The following RARB variants were observed in gnomAD, a reference collection of about 807,000 sequenced individuals.
RARB encodes retinoic acid receptor beta, also known as HBV-activated protein.
Under a neutral mutation model 51.9 loss-of-function variants are expected in RARB, and 17 were observed. The ratio of observed to expected loss-of-function variants is 0.33; its 90% CI spans 0.22 to 0.49. The LOEUF is 0.49. Ranked by LOEUF, RARB falls within the 20% of genes least tolerant of loss-of-function variation. The probability of loss-of-function intolerance (pLI) is 0.99; values close to 1 mark genes in which losing one functional copy is unlikely to be tolerated. For synonymous variants in RARB, 215 were observed against 195.4 expected (o/e 1.10, Z -0.84); for missense variants, 369 against 550.8 (o/e 0.67, Z 3.30).
intron 2 of RARB, among the ~76,000 whole-genome samples, chr3:25,004,383 TG>T (rs1697226437): frequency 6.6e-6 from 1 of 152,164 alleles, no homozygotes; most frequent in Non-Finnish European, 1.5e-5. Context: ...ACAGATTCAT[TG>T]GCTCACTATT....
At chr3:25,480,524 C>G (rs1246009671) in intron 2 of RARB, among the ~76,000 whole-genome samples, 2 of 152,152 alleles carry the variant, frequency 1.3e-5, no homozygotes, top group Non-Finnish European at 2.9e-5. Flanking sequence ...CCATCTTTAA[C>G]ATTATCTGAT....
intron 5 of RARB, among the ~76,000 whole-genome samples, chr3:25,361,949 G>T (rs1210240941): frequency 6.6e-6 from 1 of 152,190 alleles, no homozygotes; most frequent in East Asian, 1.9e-4. Context: ...CTTTCAGGAG[G>T]CACAGGGTTC....
chr3:24,884,952 T>C (rs894019418), intron 2 of RARB, among the ~76,000 whole-genome samples: 1 of 152,140 alleles, frequency 6.6e-6, no homozygotes, highest in Admixed American at 6.6e-5. Context: ...CTCTCATAGA[T>C]AACAACTGCG....
chr3:24,944,054 A>G (rs1695724266), intron 2 of RARB, among the ~76,000 whole-genome samples: 2 of 152,212 alleles, frequency 1.3e-5, no homozygotes, highest in South Asian at 4.1e-4. Context: ...ATATTAATGA[A>G]GTGACCAAGG....
At chr3:25,356,691 A>T (rs555480111) in intron 5 of RARB, among the ~76,000 whole-genome samples, 169 of 152,074 alleles carry the variant, frequency 1.1e-3, no homozygotes, top group African/African-American at 3.9e-3. Flanking sequence ...CAGGCCCTGA[A>T]GTATGATGTT....
chr3:24,862,446 G>A (rs141528903), intron 2 of RARB, among the ~76,000 whole-genome samples: 1 of 152,242 alleles, frequency 6.6e-6, no homozygotes, highest in African/African-American at 2.4e-5. Flanking sequence ...GTTACCCATA[G>A]TTAACAGGTC....
chr3:25,371,547 T>G (rs873838), intron 5 of RARB, among the ~76,000 whole-genome samples: 76,946 of 152,126 alleles, frequency 0.51, 20,210 homozygotes, highest in East Asian at 0.78. Flanking sequence ...AAATGAATTT[T>G]CAAGCCAGTA....
chr3:25,517,806 A>T (rs1055065015), intron 3 of RARB, among the ~76,000 whole-genome samples: 23 of 152,214 alleles, frequency 1.5e-4, no homozygotes, highest in African/African-American at 4.3e-4. Context: ...AATATTTTTC[A>T]TCCATAAAAA....
chr3:25,497,446 C>T (rs772707841), intron 2 of RARB, among the ~76,000 whole-genome samples: 2 of 152,176 alleles, frequency 1.3e-5, no homozygotes, highest in African/African-American at 4.8e-5. Flanking sequence ...AAAATACCAC[C>T]TCTTCTTTCG....
chr3:25,464,593 C>T (rs1695339091), intron 2 of RARB, among the ~76,000 whole-genome samples: 2 of 151,830 alleles, frequency 1.3e-5, no homozygotes, highest in Admixed American at 6.6e-5. Flanking sequence ...ACAAAATTCA[C>T]AGAACTGAGA....
intron 2 of RARB, among the ~76,000 whole-genome samples, chr3:24,965,042 C>A (rs1696224297): frequency 6.6e-6 from 1 of 152,110 alleles, no homozygotes; most frequent in African/African-American, 2.4e-5. Context: ...GAACTAAATT[C>A]TAGATTTACA....
At chr3:25,051,080 T>C (rs1698323814) in intron 2 of RARB, among the ~76,000 whole-genome samples, 2 of 152,306 alleles carry the variant, frequency 1.3e-5, no homozygotes, top group East Asian at 3.9e-4. Flanking sequence ...ATCTTTGATA[T>C]GCCATGTTTA....
intron 4 of RARB, among the ~76,000 whole-genome samples, chr3:25,578,498 C>T (rs1327502738): frequency 6.6e-6 from 1 of 152,222 alleles, no homozygotes; most frequent in Non-Finnish European, 1.5e-5. Flanking sequence ...GATGGATACT[C>T]TATTGTAAAA....
At chr3:25,146,921 T>C (rs1575181835) in intron 4 of RARB, among the ~76,000 whole-genome samples, 1 of 152,140 alleles carries the variant, frequency 6.6e-6, no homozygotes, top group Non-Finnish European at 1.5e-5. Context: ...TTTGATCGAG[T>C]GCAGGTAATG....
chr3:25,068,243 C>A (rs1490620229), intron 3 of RARB, among the ~76,000 whole-genome samples: 6 of 150,522 alleles, frequency 4.0e-5, no homozygotes, highest in Admixed American at 3.3e-4. Context: ...GTACCTCCCC[C>A]ACCCACAACC....
intron 5 of RARB, among the ~76,000 whole-genome samples, chr3:25,417,962 G>GCCTCCCTCTGGGTTGCTGTCCTCT (rs1345985288): frequency 6.7e-6 from 1 of 149,300 alleles, no homozygotes; most frequent in African/African-American, 2.6e-5. Flanking sequence ...TTGTGGCCTT[G>GCCTCCCTCTGGGTTGCTGTCCTCT]CCTCCCTCTG....
intron 5 of RARB, among the ~76,000 whole-genome samples, chr3:25,222,507 T>A (rs1701968772): frequency 6.6e-6 from 1 of 151,778 alleles, no homozygotes; most frequent in Non-Finnish European, 1.5e-5. Flanking sequence ...AATTCTCAAA[T>A]AGATTAAAAA....
rs1252872811 is a variant in RARB, at chr3:25,197,404, T to C, written c.178+22829T>C. On this transcript the variant is annotated intron_variant, in intron 5 of 11. Transcript: ENST00000383772. ...TGTGTGGTGTTATTTCTGAGGCCTCTGTTCTGTTCCATTCGTCTACGTATC... is the reference window on the plus strand; with the variant it reads ...TGTGTGGTGTTATTTCTGAGGCCTCCGTTCTGTTCCATTCGTCTACGTATC... Among the ~76,000 whole-genome samples the C allele has an allele frequency of 2.0e-5, 3 of 152,086 alleles. No homozygotes were observed. The East Asian group carries it at 5.8e-4, about 29-fold the overall frequency.
intron 2 of RARB, among the ~76,000 whole-genome samples, chr3:24,933,588 T>C (rs886922365): frequency 2.0e-5 from 3 of 152,126 alleles, no homozygotes; most frequent in African/African-American, 7.2e-5. Flanking sequence ...ATGAGGACTC[T>C]ACAGCTAAGA....
Sources: allele counts gnomAD v4.1 joint callset (sites outside exome capture counted in the v4.1 genomes callset), GRCh38; gene constraint gnomAD v4.1.1; transcripts MANE v1.5; gene names NCBI Gene and HGNC (gene_info 2026-07-23, HGNC 2026-07-21).